Variants in EPHB2 observed in about 807,000 individuals in gnomAD.
EPHB2 encodes the protein ephrin type-B receptor 2.
A neutral mutation model predicts 96.4 loss-of-function variants in EPHB2; 18 were observed. That is an observed-to-expected ratio of 0.19 (90% CI 0.13 to 0.28). The LOEUF (loss-of-function observed/expected upper bound fraction) is 0.28, where lower values mean the gene tolerates loss of function less well. EPHB2 is among the 10% of genes least tolerant of loss of function. The pLI, the probability that EPHB2 is intolerant of heterozygous loss-of-function variation, is 1.00. For synonymous variants in EPHB2, 506 were observed against 534.1 expected (o/e 0.95, Z 0.72); for missense variants, 989 against 1,355.4 (o/e 0.73, Z 4.25).
intron 3 of EPHB2, among the ~76,000 whole-genome samples, chr1:22,832,305 C>T (rs1454178804): frequency 6.6e-6 from 1 of 152,194 alleles, no homozygotes; most frequent in Non-Finnish European, 1.5e-5. Context: ...AATGCCACCT[C>T]TCAGTGTTGC....
chr1:22,866,580 G>C (rs1239204109), intron 5 of EPHB2, among the ~76,000 whole-genome samples: 1 of 151,970 alleles, frequency 6.6e-6, no homozygotes, highest in East Asian at 1.9e-4. Context: ...ATGTTGAAGG[G>C]AACAATAGAA....
At chr1:22,847,906 C>A (rs1035236111) in intron 3 of EPHB2, among the ~76,000 whole-genome samples, 1 of 152,122 alleles carries the variant, frequency 6.6e-6, no homozygotes, top group African/African-American at 2.4e-5. Flanking sequence ...TCCTTTAATA[C>A]CCTATTCAAG....
chr1:22,900,167 G>T (rs753610111), intron 9 of EPHB2, among the ~76,000 whole-genome samples: 1 of 151,446 alleles, frequency 6.6e-6, no homozygotes, highest in Admixed American at 6.6e-5. Flanking sequence ...GGTGGTGCAC[G>T]CCTGTAATCC....
At chr1:22,741,295 A>AG (rs1246847337) in intron 1 of EPHB2, among the ~76,000 whole-genome samples, 5 of 151,954 alleles carry the variant, frequency 3.3e-5, no homozygotes, top group African/African-American at 1.2e-4. Context: ...ACACTTCACA[A>AG]GTCTGTCCCC....
chr1:22,793,408 AG>A (rs998458581), intron 3 of EPHB2, among the ~76,000 whole-genome samples: 2 of 152,142 alleles, frequency 1.3e-5, no homozygotes, highest in African/African-American at 4.8e-5. Flanking sequence ...AGAGCCAAGA[AG>A]GCTTCCTGGA....
At position 22,790,613 on chromosome 1, in the gene EPHB2, C is replaced by T. The variant is rs1040138434; in HGVS notation, c.811+5537C>T. Among the ~76,000 whole-genome samples, 2 of 152,246 alleles carry T rather than the reference C, an allele frequency of 1.3e-5. No individual in the cohort carries two copies. Among genetic ancestry groups the T allele is most frequent in the African/African-American group, 4.8e-5 (2 of 41,464 alleles). ...CTCCTTGGTCTCTCCTTACCCACCT[C>T]AGTCCCACTTCTGCCTGCCCAGCAG... is the stretch of plus-strand genomic sequence containing the variant. On this transcript the variant is annotated intron_variant, in intron 3 of 15. Transcript: ENST00000374630. The surrounding 1 kb of genome is among the most constrained non-coding windows in gnomAD (Gnocchi z 4.0).
Position 22,733,144 on chromosome 1 carries a change from G to T in EPHB2, c.61+22101G>T, listed in dbSNP as rs1235083314. 1.3e-5 allele frequency among the ~76,000 whole-genome samples: 2 copies of T among 152,102 alleles called. No homozygotes were observed. The highest frequency in any genetic ancestry group is 1.3e-4 in the Admixed American group (2 of 15,268). ...GCTCACTGCAACCTCTGCCTCCCCA[G>T]TTCAAGCGATTCTCCTGCCTCAGCC... On this transcript the variant is annotated intron_variant, in intron 1 of 15. Transcript: ENST00000374630. This position sits in a 1 kb window ranked among gnomAD's most constrained non-coding sequence, Gnocchi z 4.6.
At chr1:22,876,983 C>T (rs1011391332) in intron 5 of EPHB2, among the ~76,000 whole-genome samples, 7 of 152,220 alleles carry the variant, frequency 4.6e-5, no homozygotes, top group Non-Finnish European at 8.8e-5. Flanking sequence ...GGACCTGCCT[C>T]CACCAGCAGC....
At chr1:22,803,498 T>C (rs1197960110) in intron 3 of EPHB2, among the ~76,000 whole-genome samples, 2 of 151,560 alleles carry the variant, frequency 1.3e-5, no homozygotes, top group East Asian at 1.9e-4. Context: ...TCCCAGCTAC[T>C]AGGGAGGCTG....
chr1:22,853,247 G>T (rs1382890692), intron 3 of EPHB2, among the ~76,000 whole-genome samples: 1 of 152,244 alleles, frequency 6.6e-6, no homozygotes, highest in African/African-American at 2.4e-5. Flanking sequence ...CAGCTACTCA[G>T]GAGGCTGAGC....
chr1:22,880,338 A>G (rs1164803758), intron 5 of EPHB2, among the ~76,000 whole-genome samples: 2 of 152,232 alleles, frequency 1.3e-5, no homozygotes, highest in Non-Finnish European at 2.9e-5. Context: ...CCATATGGTC[A>G]GAGCCCCTGC....
At chr1:22,799,795 A>G (rs1332866666) in intron 3 of EPHB2, among the ~76,000 whole-genome samples, 1 of 152,190 alleles carries the variant, frequency 6.6e-6, no homozygotes, top group African/African-American at 2.4e-5. Flanking sequence ...CTGTGTCCCC[A>G]GCAAATTTTG....
At chr1:22,713,143 A>G (rs1227305585) in intron 1 of EPHB2, among the ~76,000 whole-genome samples, 3 of 152,118 alleles carry the variant, frequency 2.0e-5, no homozygotes, top group African/African-American at 7.2e-5. Context: ...AAGGGAAGCC[A>G]CAGCAGGGTG....
chr1:22,773,927 T>C (rs1644412802), intron 1 of EPHB2, among the ~76,000 whole-genome samples: 1 of 152,216 alleles, frequency 6.6e-6, no homozygotes, highest in African/African-American at 2.4e-5. Flanking sequence ...CTTTGATTTC[T>C]CCATCTGTAA....
intron 5 of EPHB2, among the ~76,000 whole-genome samples, chr1:22,876,427 A>G (rs1293825181): frequency 6.6e-6 from 1 of 152,038 alleles, no homozygotes; most frequent in African/African-American, 2.4e-5. Context: ...ACACAGAGGG[A>G]AGGCTCCTTC....
intron 3 of EPHB2, among the ~76,000 whole-genome samples, chr1:22,821,071 G>A (rs966916617): frequency 6.6e-5 from 10 of 152,200 alleles, no homozygotes; most frequent in African/African-American, 2.4e-4. Context: ...GAAGGACTCA[G>A]GTTCCTGTCT....
chr1:22,884,200 A>C (rs1453481408), intron 6 of EPHB2, among the ~76,000 whole-genome samples: 1 of 152,202 alleles, frequency 6.6e-6, no homozygotes, highest in Non-Finnish European at 1.5e-5. Context: ...TGAGTGATGG[A>C]GCCTGTGAAT....
intron 1 of EPHB2, among the ~76,000 whole-genome samples, chr1:22,725,411 A>G (rs1643559980): frequency 6.6e-6 from 1 of 152,132 alleles, no homozygotes; most frequent in African/African-American, 2.4e-5. Context: ...GGACAATGGC[A>G]GGATGATTGC....
At chr1:22,880,366 TAGG>T (rs1286915100) in intron 5 of EPHB2, among the ~76,000 whole-genome samples, 1 of 152,216 alleles carries the variant, frequency 6.6e-6, no homozygotes, top group African/African-American at 2.4e-5. Flanking sequence ...GACTTGGGGC[TAGG>T]AGAAGTGTCA....
Sources: gnomAD v4.1 joint callset for allele counts (sites outside exome capture counted in the v4.1 genomes callset) on GRCh38, gnomAD v4.1.1 for gene constraint, Gnocchi (gnomAD v3.1) non-coding constraint, MANE v1.5 for transcripts, NCBI Gene and HGNC (gene_info 2026-07-23, HGNC 2026-07-21) for gene names.